Variants in EPHB1 observed in about 807,000 individuals in gnomAD.
EPHB1 encodes ephrin type-B receptor 1.
EPHB1 carries 30 observed loss-of-function variants against 94.4 expected under a neutral mutation model. The ratio of observed to expected loss-of-function variants is 0.32; its 90% CI spans 0.24 to 0.43. The LOEUF is 0.43. EPHB1 is among the 20% of genes least tolerant of loss of function. The pLI, the probability that EPHB1 is intolerant of heterozygous loss-of-function variation, is 1.00. For missense variants in EPHB1, 1,055 were observed against 1,308.3 expected, an observed-to-expected ratio of 0.81 and a Z score of 2.99; for synonymous variants, 522 against 489.1, an observed-to-expected ratio of 1.07 and a Z score of -0.89.
chr3:134,796,475 A>C (rs1273742020), intron 1 of EPHB1: 1 of 152,188 alleles, frequency 6.6e-6, no homozygotes, highest in Non-Finnish European at 1.5e-5. Context: ...GTCGTCGGGC[A>C]GCGTCACTCT....
intron 3 of EPHB1, among the ~76,000 whole-genome samples, chr3:134,995,211 G>A (rs888050780): frequency 7.2e-5 from 11 of 152,280 alleles, no homozygotes; most frequent in African/African-American, 1.7e-4. Flanking sequence ...ACAAGGTGCT[G>A]TATAAATGGA....
chr3:134,955,251 TC>T (rs1398658946), intron 3 of EPHB1, among the ~76,000 whole-genome samples: 1 of 20,676 alleles, frequency 4.8e-5, no homozygotes, highest in Non-Finnish European at 8.2e-5. Context: ...ATGCTATCCC[TC>T]CCCCCTCCCC....
At chr3:134,875,747 CA>C (rs1482774377) in intron 1 of EPHB1, among the ~76,000 whole-genome samples, 1 of 152,132 alleles carries the variant, frequency 6.6e-6, no homozygotes, top group East Asian at 1.9e-4. Flanking sequence ...TTCCATTTCT[CA>C]AGTACTTATT....
chr3:135,166,998 C>G lies in EPHB1; in HGVS notation c.1751C>G (p.Thr584Arg), dbSNP rs1941668670. 2 of 1,614,006 alleles carry G rather than the reference C, an allele frequency of 1.2e-6. No homozygotes were observed. Among genetic ancestry groups the G allele is most frequent in the Non-Finnish European group, 1.7e-6 (2 of 1,179,990 alleles). ...AGCGATAAGCTCCAGCATTACAGCACAGGCCGAGGTAAGTAGAAAGCAGAG... is the reference window on the plus strand; with the variant it reads ...AGCGATAAGCTCCAGCATTACAGCAGAGGCCGAGGTAAGTAGAAAGCAGAG... Reference protein sequence around the residue: ...VYSDKLQHYSTGRGSPGMKIY... With the variant: ...VYSDKLQHYSRGRGSPGMKIY... Residue 584 changes from threonine to arginine, a missense_variant, in exon 9 of 16, where the codon ACA becomes AGA. By Grantham distance (71) the Thr-to-Arg change is moderately conservative. Transcript: ENST00000398015.
chr3:135,111,045 C>T (rs1227289803), intron 4 of EPHB1, among the ~76,000 whole-genome samples: 1 of 152,120 alleles, frequency 6.6e-6, no homozygotes, highest in Non-Finnish European at 1.5e-5. Flanking sequence ...AACAGAATGA[C>T]GTCCTCTGCA....
At chr3:135,199,130 A>G (rs1942695247) in intron 11 of EPHB1, among the ~76,000 whole-genome samples, 1 of 152,214 alleles carries the variant, frequency 6.6e-6, no homozygotes, top group Non-Finnish European at 1.5e-5. Flanking sequence ...AAGCCACCCC[A>G]GTGCTCTCCC....
intron 1 of EPHB1, among the ~76,000 whole-genome samples, chr3:134,837,267 A>G (rs1488739628): frequency 6.6e-6 from 1 of 152,228 alleles, no homozygotes; most frequent in East Asian, 1.9e-4. Flanking sequence ...TAAAAGGTAT[A>G]CCCTCTATTC....
intron 11 of EPHB1, among the ~76,000 whole-genome samples, chr3:135,197,163 A>G (rs115978797): frequency 0.013 from 1,968 of 152,196 alleles, 38 homozygotes; most frequent in African/African-American, 0.046. Flanking sequence ...AGCTGTGACC[A>G]GTATCCCATG....
chr3:135,120,087 C>A (rs1383463648), intron 4 of EPHB1, among the ~76,000 whole-genome samples: 1 of 152,156 alleles, frequency 6.6e-6, no homozygotes, highest in African/African-American at 2.4e-5. Context: ...AAATAGCTAT[C>A]CCATTCTTAA....
chr3:135,188,750 A>C (rs1035761411), intron 10 of EPHB1, among the ~76,000 whole-genome samples: 1 of 152,222 alleles, frequency 6.6e-6, no homozygotes, highest in Non-Finnish European at 1.5e-5. Flanking sequence ...TTTTCCTCCC[A>C]ACTGTACTCA....
chr3:134,939,609 T>C (rs2039077366), intron 2 of EPHB1, among the ~76,000 whole-genome samples: 1 of 152,148 alleles, frequency 6.6e-6, no homozygotes, highest in East Asian at 1.9e-4. Flanking sequence ...TATCCAAGCT[T>C]TTTCAGGCTT....
intron 3 of EPHB1, among the ~76,000 whole-genome samples, chr3:135,055,722 G>C (rs942280392): frequency 6.6e-6 from 1 of 152,102 alleles, no homozygotes; most frequent in Non-Finnish European, 1.5e-5. Flanking sequence ...TGTTGTGGGA[G>C]GATGAACAGG....
Position 134,951,691 on chromosome 3 carries a change from G to C in EPHB1, c.444G>C (p.Gln148His). The C allele has an allele frequency of 1.2e-6, 2 of 1,614,086 alleles. No individual in the cohort carries two copies. The highest frequency in any genetic ancestry group is 1.7e-6 in the Non-Finnish European group (2 of 1,179,984). Residue 148 changes from glutamine (Q) to histidine (H), a missense_variant, in exon 3 of 16, where the codon CAG becomes CAC. Physicochemically the swap from Gln to His is conservative, Grantham distance 24. Coordinates refer to ENST00000398015, the MANE Select transcript of EPHB1 (RefSeq NM_004441.5). This position sits in a 1 kb window ranked among gnomAD's most constrained non-coding sequence, Gnocchi z 4.5. ...TTGCTGCAGATGAGAGCTTCTCCCAGGTGGACTTTGGGGGAAGGCTGATGA... is the reference window on the plus strand; with the variant it reads ...TTGCTGCAGATGAGAGCTTCTCCCACGTGGACTTTGGGGGAAGGCTGATGA... ...DTIAADESFS[Q>H]VDFGGRLMKV...
intron 1 of EPHB1, among the ~76,000 whole-genome samples, chr3:134,796,622 C>T (rs2035832965): frequency 6.6e-6 from 1 of 152,254 alleles, no homozygotes; most frequent in African/African-American, 2.4e-5. Flanking sequence ...CGGCCCAGCT[C>T]CCCGCCTCCC....
intron 3 of EPHB1, among the ~76,000 whole-genome samples, chr3:135,014,142 C>A (rs905699955): frequency 2.0e-5 from 3 of 152,254 alleles, no homozygotes; most frequent in African/African-American, 2.4e-5. Context: ...GATGTGGGCA[C>A]CTGATCTCAA....
At chr3:135,194,581 A>G (rs1156485001) in intron 11 of EPHB1, among the ~76,000 whole-genome samples, 2 of 152,204 alleles carry the variant, frequency 1.3e-5, no homozygotes, top group South Asian at 2.1e-4. Flanking sequence ...GCACTCAGAA[A>G]CAGAGCTTAG....
chr3:134,903,859 A>T (rs188326068), intron 1 of EPHB1, among the ~76,000 whole-genome samples: 1 of 152,312 alleles, frequency 6.6e-6, no homozygotes, highest in East Asian at 1.9e-4. Flanking sequence ...GTGAATCCAC[A>T]GGAGAGAAGT....
chr3:135,139,189 G>T (rs1375089368), intron 5 of EPHB1, among the ~76,000 whole-genome samples: 1 of 152,200 alleles, frequency 6.6e-6, no homozygotes, highest in Non-Finnish European at 1.5e-5. Flanking sequence ...GTGACCCACA[G>T]GTAACATCTT....
At chr3:134,811,581 A>G (rs1458229491) in intron 1 of EPHB1, among the ~76,000 whole-genome samples, 1 of 150,482 alleles carries the variant, frequency 6.6e-6, no homozygotes, top group Non-Finnish European at 1.5e-5. Flanking sequence ...TGACCACCCC[A>G]CACCCTGTGA....
Sources: gnomAD v4.1 joint callset for allele counts (sites outside exome capture counted in the v4.1 genomes callset) on GRCh38, gnomAD v4.1.1 for gene constraint, Gnocchi (gnomAD v3.1) non-coding constraint, MANE v1.5 for transcripts, NCBI Gene and HGNC (gene_info 2026-07-23, HGNC 2026-07-21) for gene names.